Variants in NFASC observed in about 807,000 individuals in gnomAD.
NFASC encodes neurofascin.
NFASC carries 43 observed loss-of-function variants against 147.5 expected under a neutral mutation model. The ratio of observed to expected loss-of-function variants is 0.29; its 90% CI spans 0.23 to 0.38. NFASC has a LOEUF of 0.38. Ranked by LOEUF, NFASC falls within the 10% of genes least tolerant of loss-of-function variation. NFASC has a pLI of 1.00. For synonymous variants in NFASC, 622 were observed against 665.5 expected (o/e 0.93, Z 1.01); for missense variants, 1,320 against 1,689.0 (o/e 0.78, Z 3.83).
rs943506188 is a variant in NFASC at position 204,968,829 on chromosome 1, G to A, written c.850G>A (p.Gly284Ser). 6.2e-7 allele frequency: 1 copy of A among 1,613,792 alleles called. No individual in the cohort carries two copies. The highest frequency in any genetic ancestry group is 1.3e-5 in the African/African-American group (1 of 75,036). Residue 284 changes from glycine to serine, a missense_variant, in exon 10 of 30, where the codon GGT (glycine) becomes AGT (serine). Gly to Ser is a moderately conservative substitution (Grantham distance 56). Coordinates refer to ENST00000339876, the MANE Select transcript of NFASC (RefSeq NM_001005388.3). The surrounding 1 kb of genome is among the most constrained non-coding windows in gnomAD (Gnocchi z 5.4). ...PTPDIAWYKKGGDLPSDKAKF... is the reference protein window; with the variant it reads ...PTPDIAWYKKSGDLPSDKAKF... The stretch of plus-strand genomic sequence containing the variant: ...ACCAGACATCGCATGGTACAAGAAA[G>A]GTGGGGACCTCCCATCTGATAAGGC...
intron 8 of NFASC, among the ~76,000 whole-genome samples, chr1:204,960,203 C>T (rs2094601987): frequency 6.6e-6 from 1 of 152,244 alleles, no homozygotes; most frequent in Admixed American, 6.5e-5. Flanking sequence ...ACTCCTGTCA[C>T]AGTTTGCCCA....
At chr1:204,849,110 G>T (rs1462478953) in intron 1 of NFASC, among the ~76,000 whole-genome samples, 1 of 152,152 alleles carries the variant, frequency 6.6e-6, no homozygotes, top group African/African-American at 2.4e-5. Flanking sequence ...CTCCCTTTGG[G>T]GCTTGTGATC....
chr1:205,012,000 A>G (rs1436854327), intron 28 of NFASC, among the ~76,000 whole-genome samples: 1 of 152,154 alleles, frequency 6.6e-6, no homozygotes, highest in Non-Finnish European at 1.5e-5. Context: ...AATCGCTTGA[A>G]CCCGGGAGGC....
intron 1 of NFASC, among the ~76,000 whole-genome samples, chr1:204,861,144 A>G (rs990539139): frequency 7.1e-5 from 9 of 126,924 alleles, no homozygotes; most frequent in Non-Finnish European, 1.4e-4. Context: ...GCTGGAGTGC[A>G]GTGGTGCAAT....
chr1:204,921,868 G>A (rs539606831), intron 2 of NFASC, among the ~76,000 whole-genome samples: 56 of 151,104 alleles, frequency 3.7e-4, no homozygotes, highest in African/African-American at 1.1e-3. Flanking sequence ...GTAGTTTCTT[G>A]TGTGGGCCCT....
At chr1:204,841,299 G>A (rs1051619149) in intron 1 of NFASC, among the ~76,000 whole-genome samples, 1 of 152,250 alleles carries the variant, frequency 6.6e-6, no homozygotes, top group African/African-American at 2.4e-5. Context: ...ACATGGGTGT[G>A]TCTGATTCCA....
intron 2 of NFASC, among the ~76,000 whole-genome samples, chr1:204,934,757 G>T (rs145270133): frequency 1.8e-3 from 275 of 152,314 alleles, no homozygotes; most frequent in African/African-American, 6.3e-3. Flanking sequence ...TAAACCAGTC[G>T]TGGTGGTGAC....
At position 204,968,846 on chromosome 1, in the gene NFASC, T is replaced by G. The variant is rs1379674166; in HGVS notation, c.867T>G (p.Ser289=). The change falls in exon 10 of 30, where the codon TCT becomes TCG. Residue 289 remains serine (S), a synonymous_variant. Transcript: ENST00000339876. This position sits in a 1 kb window ranked among gnomAD's most constrained non-coding sequence, Gnocchi z 5.4. ...AWYKKGGDLP[S]DKAKFENFNK... is the part of the protein sequence containing the mutation. ...ACAAGAAAGGTGGGGACCTCCCATC[T>G]GATAAGGCCAAGTTTGAGAACTTTA... is the stretch of plus-strand genomic sequence containing the variant. 6.2e-7 allele frequency: 1 copy of G among 1,613,798 alleles called. No homozygotes were observed. The highest frequency in any genetic ancestry group is 1.3e-5 in the African/African-American group (1 of 74,906).
chr1:204,886,112 C>T (rs1470458612), intron 1 of NFASC, among the ~76,000 whole-genome samples: 1 of 152,172 alleles, frequency 6.6e-6, no homozygotes, highest in East Asian at 1.9e-4. Flanking sequence ...TAAGTCTAGG[C>T]TCAAGCTAAA....
Position 204,828,773 on chromosome 1 carries a change from G to A in NFASC, c.-209G>A. ...GACAGCGCCCAGGGCCGGAGCCCGAGCCCTTGGAGGTAGGCGAGCGCGAAC... is the reference window on the plus strand; with the variant it reads ...GACAGCGCCCAGGGCCGGAGCCCGAACCCTTGGAGGTAGGCGAGCGCGAAC... On this transcript the variant is annotated 5_prime_UTR_variant, in exon 1 of 30. Coordinates refer to ENST00000339876, the MANE Select transcript of NFASC (RefSeq NM_001005388.3). 2 of 985,392 alleles carry A rather than the reference G, an allele frequency of 2.0e-6. No homozygotes were observed. The highest frequency in any genetic ancestry group is 1.2e-6 in the Non-Finnish European group (1 of 829,974). 61.0% of individuals were successfully genotyped at this position (985,392 alleles called of 1,614,324 possible).
intron 27 of NFASC, chr1:205,009,066 C>T (rs1407986079): frequency 4.5e-6 from 1 of 221,204 alleles, no homozygotes; most frequent in Non-Finnish European, 9.2e-6. Context: ...TGCCGTGTGC[C>T]TGTGCAGGCC....
At chr1:204,909,714 T>C (rs1273155033) in intron 1 of NFASC, among the ~76,000 whole-genome samples, 1 of 152,242 alleles carries the variant, frequency 6.6e-6, no homozygotes, top group Non-Finnish European at 1.5e-5. Context: ...TATGTTTAAG[T>C]TGGCCATCCA....
At chr1:204,867,816 C>T (rs1459368283) in intron 1 of NFASC, among the ~76,000 whole-genome samples, 1 of 152,182 alleles carries the variant, frequency 6.6e-6, no homozygotes, top group East Asian at 1.9e-4. Context: ...CAGAGACAGG[C>T]CCTGGCGGGT....
intron 2 of NFASC, among the ~76,000 whole-genome samples, chr1:204,934,118 A>T (rs1301938336): frequency 6.8e-6 from 1 of 147,900 alleles, no homozygotes. Context: ...ACCCCGGGCG[A>T]CAGAGTGAGA....
At chr1:204,984,993 T>G (rs963573798) in intron 21 of NFASC, among the ~76,000 whole-genome samples, 3 of 152,146 alleles carry the variant, frequency 2.0e-5, no homozygotes, top group African/African-American at 7.2e-5. Flanking sequence ...AGGAAATGAA[T>G]TTGGCCAGTA....
intron 3 of NFASC, among the ~76,000 whole-genome samples, chr1:204,948,334 T>C (rs1355111222): frequency 1.3e-5 from 2 of 152,240 alleles, no homozygotes; most frequent in Non-Finnish European, 2.9e-5. Flanking sequence ...TCTGTCCCTG[T>C]AAGAAATTCC....
chr1:204,855,554 G>C (rs2076081781), intron 1 of NFASC, among the ~76,000 whole-genome samples: 1 of 152,204 alleles, frequency 6.6e-6, no homozygotes, highest in South Asian at 2.1e-4. Context: ...CACAGGGCAA[G>C]GTGTATTATT....
chr1:204,938,554 A>G (rs2802821), intron 2 of NFASC, among the ~76,000 whole-genome samples: 21,994 of 151,976 alleles, frequency 0.14, 1,988 homozygotes, highest in African/African-American at 0.26. Context: ...CGGCTCCCAT[A>G]CTTTTAAGTG....
At chr1:204,985,583 A>T (rs956494191) in intron 21 of NFASC, among the ~76,000 whole-genome samples, 2 of 152,178 alleles carry the variant, frequency 1.3e-5, no homozygotes, top group Non-Finnish European at 2.9e-5. Context: ...TCCCTGAGCA[A>T]CCTGGTACCC....
Sources: allele counts gnomAD v4.1 joint callset (sites outside exome capture counted in the v4.1 genomes callset), GRCh38; gene constraint gnomAD v4.1.1; non-coding constraint Gnocchi (gnomAD v3.1); transcripts MANE v1.5; gene names NCBI Gene and HGNC (gene_info 2026-07-23, HGNC 2026-07-21).